Variants in ATRNL1 observed in about 807,000 individuals in gnomAD.
The protein encoded by ATRNL1 is attractin like 1, also known as attractin-like protein 1.
In ATRNL1, 95 loss-of-function variants were observed where a neutral mutation model predicts 182.7. The observed-to-expected ratio is 0.52, with a 90% CI of 0.44 to 0.62. The LOEUF (loss-of-function observed/expected upper bound fraction) is 0.62, where lower values mean the gene tolerates loss of function less well. Ranked by LOEUF, ATRNL1 falls within the 20% of genes least tolerant of loss-of-function variation. The pLI is 0.00. For synonymous variants in ATRNL1, 576 were observed against 568.3 expected (o/e 1.01, Z -0.19); for missense variants, 1,471 against 1,679.5 (o/e 0.88, Z 2.17).
At chr10:115,583,963 A>G (rs1432783174) in intron 26 of ATRNL1, among the ~76,000 whole-genome samples, 2 of 152,044 alleles carry the variant, frequency 1.3e-5, no homozygotes, top group Non-Finnish European at 2.9e-5. Flanking sequence ...AGCATGAAGC[A>G]TTGTTGAATT....
intron 19 of ATRNL1, among the ~76,000 whole-genome samples, chr10:115,362,502 C>G (rs1176454971): frequency 6.7e-6 from 1 of 149,564 alleles, no homozygotes; most frequent in African/African-American, 2.5e-5. Flanking sequence ...CAGCGGTTTA[C>G]AAGTATGCAG....
intron 8 of ATRNL1, among the ~76,000 whole-genome samples, chr10:115,195,930 G>T (rs1213864528): frequency 2.0e-5 from 3 of 151,914 alleles, no homozygotes; most frequent in African/African-American, 7.3e-5. Context: ...TATAATTTTG[G>T]CTTTTGTCCT....
At chr10:115,638,394 C>T (rs1859029804) in intron 26 of ATRNL1, among the ~76,000 whole-genome samples, 1 of 151,122 alleles carries the variant, frequency 6.6e-6, no homozygotes. Flanking sequence ...CATTGAGTAT[C>T]ACATGGCTAT....
chr10:115,225,797 A>G (rs1849671044), intron 9 of ATRNL1, among the ~76,000 whole-genome samples: 2 of 151,326 alleles, frequency 1.3e-5, no homozygotes, highest in African/African-American at 4.8e-5. Context: ...ATTCTGCCCA[A>G]ATTGATCTGT....
chr10:115,483,684 T>A (rs1439895360), intron 24 of ATRNL1, among the ~76,000 whole-genome samples: 1 of 151,614 alleles, frequency 6.6e-6, no homozygotes, highest in Non-Finnish European at 1.5e-5. Context: ...TATATGTATA[T>A]GTTGTTTTAA....
At chr10:115,224,472 G>A (rs1402465489) in intron 9 of ATRNL1, among the ~76,000 whole-genome samples, 1 of 151,928 alleles carries the variant, frequency 6.6e-6, no homozygotes, top group Non-Finnish European at 1.5e-5. Context: ...ATATAATAAA[G>A]GAAAGGAACA....
chr10:115,758,208 C>T (rs746586843), intron 27 of ATRNL1, among the ~76,000 whole-genome samples: 1 of 151,906 alleles, frequency 6.6e-6, no homozygotes, highest in African/African-American at 2.4e-5. Context: ...CCTTTGCTGG[C>T]GAGAAGTTGT....
chr10:115,823,234 A>C (rs1950346030), intron 27 of ATRNL1, among the ~76,000 whole-genome samples: 1 of 152,210 alleles, frequency 6.6e-6, no homozygotes, highest in East Asian at 1.9e-4. Context: ...ACATCCCTTC[A>C]TGCTTAAAGC....
intron 20 of ATRNL1, among the ~76,000 whole-genome samples, chr10:115,398,091 T>C (rs1844375047): frequency 6.6e-6 from 1 of 151,932 alleles, no homozygotes; most frequent in East Asian, 1.9e-4. Flanking sequence ...ATGGAGAGCA[T>C]ACTCTTTGTA....
chr10:115,602,476 A>G (rs1555016229), intron 26 of ATRNL1, among the ~76,000 whole-genome samples: 1 of 152,186 alleles, frequency 6.6e-6, no homozygotes, highest in Non-Finnish European at 1.5e-5. Context: ...TTAGTGTCTT[A>G]TATGCTTACT....
rs537311267 is a variant in ATRNL1, at chr10:115,673,398, G to A, written c.3796-53850G>A. On this transcript the variant is annotated intron_variant, in intron 26 of 28. Transcript: ENST00000355044. ...GAGCATCTTGCAAATCCCAGAGTCA[G>A]AAGCAACTACAGTAAGAGCTGGCAT... Among the ~76,000 whole-genome samples, 97 of 152,130 alleles carry A rather than the reference G, an allele frequency of 6.4e-4. No individual in the cohort carries two copies. In the East Asian group the frequency reaches 0.018, roughly 28 times the overall value.
chr10:115,619,123 T>C (rs993793601), intron 26 of ATRNL1, among the ~76,000 whole-genome samples: 1 of 152,112 alleles, frequency 6.6e-6, no homozygotes, highest in Non-Finnish European at 1.5e-5. Flanking sequence ...ACGGTTTAGG[T>C]TGTGGTTGTT....
Position 115,165,605 on chromosome 10 carries a change from G to A in ATRNL1, c.1052G>A (p.Gly351Glu). 1 of 1,547,822 alleles carries A rather than the reference G, an allele frequency of 6.5e-7. No individual in the cohort carries two copies. The highest frequency in any genetic ancestry group is 8.8e-7 in the Non-Finnish European group (1 of 1,138,368). Residue 351 changes from glycine (G) to glutamate (E), a missense_variant, in exon 7 of 29, where the codon GGA (glycine) becomes GAA (glutamate). Coordinates refer to ENST00000355044, the MANE Select transcript of ATRNL1 (RefSeq NM_207303.4). ...TGGAATGTAGGAACTCCATCAAGGG[G>A]ACCTCTCCAGAGATATGGACACTCT... Reference protein sequence around the residue: ...SIWNVGTPSRGPLQRYGHSLA... With the variant: ...SIWNVGTPSREPLQRYGHSLA...
At chr10:115,369,464 T>C (rs1213764849) in intron 19 of ATRNL1, among the ~76,000 whole-genome samples, 3 of 152,164 alleles carry the variant, frequency 2.0e-5, no homozygotes, top group African/African-American at 7.2e-5. Context: ...TTGTGTAGTA[T>C]TCATCCATTG....
rs964669177 is a variant in ATRNL1, at chr10:115,706,909, T to C, written c.3796-20339T>C. ...TCCTTATCTAGCTAACGTCAACAAC[T>C]AAGCATGCTTCTATTTCACAGAAAA... is the stretch of plus-strand genomic sequence containing the variant. On this transcript the variant is annotated intron_variant, in intron 26 of 28. Transcript: ENST00000355044. Among the ~76,000 whole-genome samples, 4 of 152,036 alleles carry C rather than the reference T, an allele frequency of 2.6e-5. No homozygotes were observed. The East Asian group carries it at 7.7e-4, about 29-fold the overall frequency.
At chr10:115,237,299 T>A (rs1307761681) in intron 9 of ATRNL1, among the ~76,000 whole-genome samples, 3 of 152,206 alleles carry the variant, frequency 2.0e-5, no homozygotes, top group African/African-American at 4.8e-5. Flanking sequence ...AAAGTTATGT[T>A]TAGTTTTGTG....
intron 20 of ATRNL1, among the ~76,000 whole-genome samples, chr10:115,415,201 A>C (rs1845330811): frequency 6.6e-6 from 1 of 152,024 alleles, no homozygotes; most frequent in Non-Finnish European, 1.5e-5. Context: ...CATAAGCAGG[A>C]TATATTGCTA....
At chr10:115,245,039 C>CT (rs1195056907) in intron 10 of ATRNL1, among the ~76,000 whole-genome samples, 20 of 152,004 alleles carry the variant, frequency 1.3e-4, no homozygotes. Context: ...TAGTGGTTTA[C>CT]TTATGACATT....
intron 26 of ATRNL1, among the ~76,000 whole-genome samples, chr10:115,564,130 T>A (rs2133845963): frequency 6.6e-6 from 1 of 152,204 alleles, no homozygotes; most frequent in African/African-American, 2.4e-5. Context: ...CTAATTTAGT[T>A]TATTGTCATT....
Sources: allele counts gnomAD v4.1 joint callset (sites outside exome capture counted in the v4.1 genomes callset), GRCh38; gene constraint gnomAD v4.1.1; transcripts MANE v1.5; gene names NCBI Gene and HGNC (gene_info 2026-07-23, HGNC 2026-07-21).